Variants in TNFRSF10C observed in about 807,000 individuals in gnomAD.
The protein encoded by TNFRSF10C is TNF receptor superfamily member 10c.
TNFRSF10C carries 17 observed loss-of-function variants against 16.7 expected under a neutral mutation model. That is an observed-to-expected ratio of 1.02 (90% CI 0.70 to 1.53). The LOEUF (loss-of-function observed/expected upper bound fraction) is 1.53, where lower values mean the gene tolerates loss of function less well. Among genes scored for constraint, TNFRSF10C ranks in the 40% most tolerant of loss-of-function variants. TNFRSF10C has a pLI of 0.00. For missense variants in TNFRSF10C, 237 were observed against 329.7 expected (o/e 0.72, Z 2.18); for synonymous variants, 73 against 119.7 (o/e 0.61, Z 2.55).
At position 23,111,168 on chromosome 8, in the gene TNFRSF10C, A is replaced by G. The variant is rs565736756; in HGVS notation, c.61-552A>G. ...CCATTATCTGGGGTAAATTTATGTT[A>G]TAATATGAGAAAAGGATACATAAGT... On this transcript the variant is annotated intron_variant, in intron 1 of 4. Transcript: ENST00000356864. 2.0e-5 allele frequency among the ~76,000 whole-genome samples: 3 copies of G among 152,242 alleles called. No homozygotes were observed. In the East Asian group the frequency reaches 5.8e-4, roughly 29 times the overall value.
chr8:23,104,257 T>G (rs1813729890), intron 1 of TNFRSF10C, among the ~76,000 whole-genome samples: 1 of 152,268 alleles, frequency 6.6e-6, no homozygotes, highest in Non-Finnish European at 1.5e-5. Context: ...AATCCCTCCA[T>G]CAGTCTTGCC....
In TNFRSF10C at chr8:23,103,083, G is replaced by T. The variant is rs200834372; in HGVS notation, c.-39G>T. 1.5e-4 allele frequency: 247 copies of T among 1,600,484 alleles called. No homozygotes were observed. In the East Asian group the frequency reaches 3.9e-3, roughly 25 times the overall value. ...CCGGCCGCCTGATGGCCGAGGCAGG[G>T]TGCGACCCAGGACCCAGGACGGCGT... is the stretch of plus-strand genomic sequence containing the variant. On this transcript the variant is annotated 5_prime_UTR_variant, in exon 1 of 5. Transcript: ENST00000356864.
At chr8:23,111,622 A>G in intron 1 of TNFRSF10C, 98 bp from the exon 2 acceptor site, 2 of 930,050 alleles carry the variant, frequency 2.2e-6, no homozygotes, top group Non-Finnish European at 3.4e-6. Flanking sequence ...CCAAGCTCTG[A>G]TGGGTTTTGT....
chr8:23,108,863 G>T lies in TNFRSF10C; in HGVS notation c.61-2857G>T, dbSNP rs185317419. Among the ~76,000 whole-genome samples, 179 of 152,092 alleles carry T rather than the reference G, an allele frequency of 1.2e-3. 3 individuals carry two copies. The South Asian group carries it at 0.033, about 28-fold the overall frequency. On this transcript the variant is annotated intron_variant, in intron 1 of 4. Transcript: ENST00000356864. ...TGATACTTTCACCAAGATAGACCAG[G>T]TTCTGGGCTATAAAACACACAATAT...
intron 3 of TNFRSF10C, 70 bp from the exon 4 acceptor site, chr8:23,115,438 G>C: frequency 7.4e-7 from 1 of 1,344,558 alleles, no homozygotes; most frequent in East Asian, 2.3e-5. Flanking sequence ...GTGGGAGGGG[G>C]TGGGTGGTAA....
intron 1 of TNFRSF10C, among the ~76,000 whole-genome samples, chr8:23,104,323 A>G (rs1168575463): frequency 6.6e-6 from 1 of 152,222 alleles, no homozygotes. Context: ...GCTAACACAA[A>G]TCACATTAGA....
At chr8:23,116,602 C>A in intron 4 of TNFRSF10C, 39 bp from the exon 5 acceptor site, 1 of 1,589,622 alleles carries the variant, frequency 6.3e-7, no homozygotes, top group Non-Finnish European at 8.6e-7. Flanking sequence ...GGCTAGCTTT[C>A]CCTCAGGAGT....
At chr8:23,115,202 C>T (rs895652778) in intron 3 of TNFRSF10C, among the ~76,000 whole-genome samples, 1 of 152,148 alleles carries the variant, frequency 6.6e-6, no homozygotes, top group Non-Finnish European at 1.5e-5. Context: ...CCTCCGTCTC[C>T]TTGCAGAGTC....
chr8:23,113,245 G>T (rs1367230937), intron 2 of TNFRSF10C, among the ~76,000 whole-genome samples: 1 of 152,084 alleles, frequency 6.6e-6, no homozygotes, highest in East Asian at 1.9e-4. Context: ...CATTCTGTAG[G>T]TTGTCTCTTC....
At position 23,117,422 on chromosome 8, in the gene TNFRSF10C, C is replaced by A; in HGVS notation, c.*391C>A. ...GAAGTGGTCACGGGATTTATTCAGCCTTGGTCAGAGCAGAACACAGAGATT... is the reference window on the plus strand; with the variant it reads ...GAAGTGGTCACGGGATTTATTCAGCATTGGTCAGAGCAGAACACAGAGATT... On this transcript the variant is annotated 3_prime_UTR_variant, in exon 5 of 5. Transcript: ENST00000356864. 6.5e-6 allele frequency: 2 copies of A among 305,910 alleles called. No homozygotes were observed. Among genetic ancestry groups the A allele is most frequent in the East Asian group, 7.0e-5 (1 of 14,254 alleles). The allele number at this position is 305,910 out of a possible 1,614,324, so 18.9% of individuals were successfully genotyped here.
chr8:23,114,278 GTTATT>G (rs1352534474), intron 2 of TNFRSF10C, among the ~76,000 whole-genome samples: 7 of 152,114 alleles, frequency 4.6e-5, no homozygotes, highest in African/African-American at 1.4e-4. Flanking sequence ...TAGGTTGGAT[GTTATT>G]TTGTGAGTGA....
chr8:23,116,270 G>T (rs949739422), intron 4 of TNFRSF10C, among the ~76,000 whole-genome samples: 1 of 152,234 alleles, frequency 6.6e-6, no homozygotes, highest in Non-Finnish European at 1.5e-5. Context: ...ACAGTTGGGG[G>T]TGAGAGATCA....
intron 1 of TNFRSF10C, 132 bp downstream of exon 1, chr8:23,103,313 C>T: frequency 6.8e-7 from 1 of 1,477,350 alleles, no homozygotes; most frequent in Non-Finnish European, 9.2e-7. Context: ...AGGACGAACT[C>T]GCCGTCGGAG....
chr8:23,111,698 C>G, intron 1 of TNFRSF10C, 22 bp from the exon 2 acceptor site: 1 of 1,599,472 alleles, frequency 6.3e-7, no homozygotes, highest in African/African-American at 1.3e-5. Context: ...CACTCACACC[C>G]ATCACTCCTT....
Position 23,117,258 on chromosome 8 carries a change from C to T in TNFRSF10C, c.*227C>T, listed in dbSNP as rs946011810. On this transcript the variant is annotated 3_prime_UTR_variant, in exon 5 of 5. Coordinates refer to ENST00000356864, the MANE Select transcript of TNFRSF10C (RefSeq NM_003841.5). ...CGTGCACCCCCCAGGACCCTGGTCT[C>T]ATCAGTCCCTCTCCTGGAGCTGGGG... The T allele has an allele frequency of 1.7e-5, 11 of 655,490 alleles. No homozygotes were observed. Among genetic ancestry groups the T allele is most frequent in the Middle Eastern group, 4.2e-4 (1 of 2,364 alleles). The allele number at this position is 655,490 out of a possible 1,614,324, so 40.6% of individuals were successfully genotyped here.
intron 1 of TNFRSF10C, among the ~76,000 whole-genome samples, chr8:23,109,135 A>G (rs12547853): frequency 0.11 from 17,093 of 151,820 alleles, 1,223 homozygotes; most frequent in East Asian, 0.33. Context: ...ACTGGGGGTT[A>G]GGGAGATGGG....
At position 23,103,127 on chromosome 8, in the gene TNFRSF10C, C is replaced by T. The variant is rs768889759; in HGVS notation, c.6C>T (p.Ala2=). The T allele has an allele frequency of 5.0e-6, 8 of 1,611,908 alleles. No individual in the cohort carries two copies. The South Asian group carries it at 7.7e-5, about 16-fold the overall frequency. ...ACGGCGTCGGGAACCATACCATGGC[C>T]CGGATCCCCAAGACCCTAAAGTTCG... M[A]RIPKTLKFVV... The change falls in exon 1 of 5, where the codon GCC becomes GCT. Residue 2 remains alanine, a synonymous_variant. Coordinates refer to ENST00000356864, the MANE Select transcript of TNFRSF10C (RefSeq NM_003841.5).
chr8:23,110,726 T>C (rs1344512184), intron 1 of TNFRSF10C, among the ~76,000 whole-genome samples: 2 of 152,222 alleles, frequency 1.3e-5, no homozygotes, highest in Non-Finnish European at 2.9e-5. Context: ...AATTACTTAA[T>C]GTTTGATGCT....
chr8:23,114,851 AC>A (rs1214985084), intron 3 of TNFRSF10C, 81 bp downstream of exon 3: 17 of 1,206,966 alleles, frequency 1.4e-5, no homozygotes, highest in Non-Finnish European at 1.8e-5. Flanking sequence ...GAGTCAGGGA[AC>A]CAAGTTCCAG....
Sources: gnomAD v4.1 joint callset for allele counts (sites outside exome capture counted in the v4.1 genomes callset) on GRCh38, gnomAD v4.1.1 for gene constraint, MANE v1.5 for transcripts, NCBI Gene and HGNC (gene_info 2026-07-23, HGNC 2026-07-21) for gene names.